The following KLF8 variants were observed in gnomAD, a reference collection of about 807,000 sequenced individuals.
KLF8 encodes the protein KLF transcription factor 8.
A neutral mutation model predicts 18.2 loss-of-function variants in KLF8; 10 were observed. The ratio of observed to expected loss-of-function variants is 0.55; its 90% CI spans 0.34 to 0.93. KLF8 has a LOEUF of 0.93. Ranked by LOEUF, KLF8 falls within the 40% of genes least tolerant of loss-of-function variation. The probability of loss-of-function intolerance (pLI) is 0.02; values close to 1 mark genes in which losing one functional copy is unlikely to be tolerated. For synonymous variants in KLF8, 109 were observed against 97.3 expected (o/e 1.12, Z -0.71); for missense variants, 264 against 277.9 (o/e 0.95, Z 0.36).
At chrX:55,946,713 G>C in the KLF8 span, among the ~76,000 whole-genome samples, 1 of 110,973 alleles carries the variant, frequency 9.0e-6, no homozygotes, top group African/African-American at 3.3e-5. Context: ...TACAAAATGG[G>C]AGAAAATTTT....
chrX:56,107,788 C>T, the KLF8 span, among the ~76,000 whole-genome samples: 1 of 111,305 alleles, frequency 9.0e-6, no homozygotes, highest in Non-Finnish European at 1.9e-5. Flanking sequence ...ATGCAGAAAT[C>T]ACCCATCTTC....
the KLF8 span, among the ~76,000 whole-genome samples, chrX:55,946,508 C>T: frequency 3.6e-5 from 4 of 111,729 alleles, no homozygotes; most frequent in South Asian, 3.7e-4. Context: ...TCGACTTAAA[C>T]GTTAGACCTC....
the KLF8 span, among the ~76,000 whole-genome samples, chrX:56,194,686 G>A: frequency 5.4e-4 from 61 of 112,343 alleles, no homozygotes; most frequent in Admixed American, 5.0e-3. Flanking sequence ...GCCCTGTCTG[G>A]CAGCTCTGAA....
chrX:55,937,090 T>C, the KLF8 span, among the ~76,000 whole-genome samples: 3 of 111,684 alleles, frequency 2.7e-5, no homozygotes, highest in Non-Finnish European at 5.7e-5. Flanking sequence ...AGTGGGTCCC[T>C]GACCCCTGAG....
chrX:56,199,723 T>A, the KLF8 span, among the ~76,000 whole-genome samples: 5 of 111,751 alleles, frequency 4.5e-5, no homozygotes, highest in Admixed American at 1.9e-4. Context: ...CAGCAATTCC[T>A]TTATTTGATA....
the KLF8 span, among the ~76,000 whole-genome samples, chrX:56,108,089 C>A: frequency 1.8e-4 from 20 of 111,799 alleles, no homozygotes; most frequent in Non-Finnish European, 3.6e-4. Context: ...TTGTTATTAG[C>A]TCCCATAGGT....
At chrX:56,237,973 C>T (rs984439811) in intron 1 of KLF8, among the ~76,000 whole-genome samples, 1 of 111,660 alleles carries the variant, frequency 9.0e-6, no homozygotes, top group African/African-American at 3.3e-5. Context: ...CAGATCAGAA[C>T]CTCACCTTTA....
Position 56,288,465 on chromosome X carries a change from G to C in KLF8, c.*3971G>C, listed in dbSNP as rs2067291255. On this transcript the variant is annotated 3_prime_UTR_variant, in exon 6 of 6. Coordinates refer to ENST00000468660, the MANE Select transcript of KLF8 (RefSeq NM_007250.5). Reference sequence around the variant, plus strand: ...TTGAAAGTAGGACCACGGAGAAGAAGTGCCATTTTCATCACATCATACAGG... The same window carrying C: ...TTGAAAGTAGGACCACGGAGAAGAACTGCCATTTTCATCACATCATACAGG... 9.0e-6 allele frequency among the ~76,000 whole-genome samples: 1 copy of C among 110,911 alleles called. No individual in the cohort carries two copies. The highest frequency in any genetic ancestry group is 1.9e-5 in the Non-Finnish European group (1 of 52,987).
At chrX:56,051,327 A>G in the KLF8 span, among the ~76,000 whole-genome samples, 1 of 107,673 alleles carries the variant, frequency 9.3e-6, no homozygotes, top group Non-Finnish European at 1.9e-5. Flanking sequence ...TTAGCTGGTT[A>G]TTTTGCTCGT....
chrX:55,941,694 A>C, the KLF8 span, among the ~76,000 whole-genome samples: 1 of 111,929 alleles, frequency 8.9e-6, no homozygotes, highest in African/African-American at 3.2e-5. Flanking sequence ...ACCCCAGCAA[A>C]AAGTGGGCAA....
At chrX:55,949,769 G>A in the KLF8 span, among the ~76,000 whole-genome samples, 1 of 107,375 alleles carries the variant, frequency 9.3e-6, no homozygotes, top group Non-Finnish European at 1.9e-5. Context: ...CCAGTCTGGC[G>A]ACAGAGCGAG....
chrX:56,080,691 G>A, the KLF8 span, among the ~76,000 whole-genome samples: 1 of 111,061 alleles, frequency 9.0e-6, no homozygotes, highest in African/African-American at 3.3e-5. Flanking sequence ...TCTGAGTGTT[G>A]GCCTGCCTTG....
chrX:56,240,448 A>G (rs1303622510), intron 1 of KLF8, among the ~76,000 whole-genome samples: 1 of 112,272 alleles, frequency 8.9e-6, no homozygotes, highest in Non-Finnish European at 1.9e-5. Context: ...TGTTGCATGA[A>G]ATAAAGGTAT....
the KLF8 span, among the ~76,000 whole-genome samples, chrX:56,165,814 T>C: frequency 3.9e-4 from 43 of 109,219 alleles, no homozygotes; most frequent in African/African-American, 1.4e-3. Context: ...TGAGCTATGA[T>C]TGCACCACTG....
the KLF8 span, among the ~76,000 whole-genome samples, chrX:56,155,961 C>T: frequency 8.9e-6 from 1 of 111,802 alleles, no homozygotes; most frequent in Non-Finnish European, 1.9e-5. Context: ...CCTCCAGCTC[C>T]ATCCGTGTTG....
At chrX:56,023,179 T>C in the KLF8 span, among the ~76,000 whole-genome samples, 1 of 111,797 alleles carries the variant, frequency 8.9e-6, no homozygotes, top group African/African-American at 3.2e-5. Context: ...AATTATAAAC[T>C]ATAGTAATAG....
intron 1 of KLF8, among the ~76,000 whole-genome samples, chrX:56,242,523 T>A (rs1369529154): frequency 8.9e-6 from 1 of 112,206 alleles, no homozygotes; most frequent in Non-Finnish European, 1.9e-5. Flanking sequence ...AGGGCTACAC[T>A]GGTGTATTCC....
At chrX:55,940,177 C>G in the KLF8 span, among the ~76,000 whole-genome samples, 1 of 112,028 alleles carries the variant, frequency 8.9e-6, no homozygotes, top group Non-Finnish European at 1.9e-5. Context: ...AGCTAATCCA[C>G]CATGATCACG....
At chrX:56,010,126 C>G in the KLF8 span, among the ~76,000 whole-genome samples, 2 of 111,073 alleles carry the variant, frequency 1.8e-5, no homozygotes, top group Non-Finnish European at 3.8e-5. Flanking sequence ...GTAAGATATT[C>G]CATGAGAAGA....
Sources: allele counts gnomAD v4.1 joint callset (sites outside exome capture counted in the v4.1 genomes callset), GRCh38; gene constraint gnomAD v4.1.1; transcripts MANE v1.5; gene names NCBI Gene and HGNC (gene_info 2026-07-23, HGNC 2026-07-21).